PRELID2: variants seen among roughly 807,000 people sequenced by gnomAD.
PRELID2 encodes the protein PRELI domain-containing protein 2.
A neutral mutation model predicts 28.4 loss-of-function variants in PRELID2; 25 were observed. The ratio of observed to expected loss-of-function variants is 0.88; its 90% CI spans 0.64 to 1.23. The LOEUF is 1.23. Among genes scored for constraint, PRELID2 ranks in the 50% most tolerant of loss-of-function variants. PRELID2 has a pLI of 0.00. For missense variants in PRELID2, 201 were observed against 214.4 expected, an observed-to-expected ratio of 0.94 and a Z score of 0.39; for synonymous variants, 76 against 71.6, an observed-to-expected ratio of 1.06 and a Z score of -0.31.
chr5:145,686,496 G>A (rs139687795), intron 1 of PRELID2, among the ~76,000 whole-genome samples: 17 of 151,980 alleles, frequency 1.1e-4, no homozygotes, highest in Non-Finnish European at 8.8e-5. Flanking sequence ...ACCTAAAAAC[G>A]TCTTCTAATC....
chr5:145,598,751 G>A (rs1166691834), intron 1 of PRELID2, among the ~76,000 whole-genome samples: 1 of 152,074 alleles, frequency 6.6e-6, no homozygotes, highest in East Asian at 1.9e-4. Flanking sequence ...ACATTCCAGT[G>A]AGAGAAACAG....
chr5:145,405,900 T>C, the PRELID2 span, among the ~76,000 whole-genome samples: 2 of 151,352 alleles, frequency 1.3e-5, no homozygotes, highest in African/African-American at 4.9e-5. Flanking sequence ...AGAGACGGGG[T>C]TTCACCGTTT....
At chr5:145,704,509 C>T (rs1042667668) in intron 1 of PRELID2, among the ~76,000 whole-genome samples, 55 of 152,168 alleles carry the variant, frequency 3.6e-4, no homozygotes, top group African/African-American at 1.3e-3. Context: ...CAAAGTACTA[C>T]TTGAGAATCA....
intron 1 of PRELID2, among the ~76,000 whole-genome samples, chr5:145,568,246 C>A (rs1304977939): frequency 1.3e-5 from 2 of 152,154 alleles, no homozygotes; most frequent in Non-Finnish European, 2.9e-5. Flanking sequence ...TAATAGAGAC[C>A]CCTCCACATG....
At chr5:145,458,859 A>G in the PRELID2 span, among the ~76,000 whole-genome samples, 1 of 152,196 alleles carries the variant, frequency 6.6e-6, no homozygotes, top group Non-Finnish European at 1.5e-5. Flanking sequence ...AAAAAATCTG[A>G]TTTGTTTTTA....
At chr5:145,231,258 TA>T in the PRELID2 span, among the ~76,000 whole-genome samples, 1 of 152,174 alleles carries the variant, frequency 6.6e-6, no homozygotes, top group African/African-American at 2.4e-5. Flanking sequence ...ATTATATTAT[TA>T]TTTTTTAATT....
chr5:145,829,299 T>C (rs1581299036), intron 1 of PRELID2, among the ~76,000 whole-genome samples: 1 of 152,178 alleles, frequency 6.6e-6, no homozygotes, highest in East Asian at 1.9e-4. Context: ...TAGAAAATAT[T>C]CCTAATTCAA....
the PRELID2 span, among the ~76,000 whole-genome samples, chr5:145,322,312 T>A: frequency 3.3e-5 from 5 of 152,214 alleles, no homozygotes; most frequent in African/African-American, 1.2e-4. Context: ...TATAAGGACC[T>A]CTTAGGACCA....
At chr5:145,489,692 G>A (rs1752250438) in intron 1 of PRELID2, among the ~76,000 whole-genome samples, 1 of 152,076 alleles carries the variant, frequency 6.6e-6, no homozygotes, top group South Asian at 2.1e-4. Context: ...TTCAGTGTTG[G>A]TATGCCATGA....
At chr5:145,572,534 T>C (rs1315258930) in intron 1 of PRELID2, among the ~76,000 whole-genome samples, 1 of 152,218 alleles carries the variant, frequency 6.6e-6, no homozygotes, top group Non-Finnish European at 1.5e-5. Context: ...ACTATCATTA[T>C]CATAATTATT....
At chr5:145,688,857 G>A (rs952438489) in intron 1 of PRELID2, among the ~76,000 whole-genome samples, 6 of 152,148 alleles carry the variant, frequency 3.9e-5, no homozygotes, top group African/African-American at 1.4e-4. Flanking sequence ...ATGATCTTCA[G>A]GCTTCATTGG....
At chr5:145,706,260 T>C (rs1028476909) in intron 1 of PRELID2, among the ~76,000 whole-genome samples, 22 of 152,148 alleles carry the variant, frequency 1.4e-4, no homozygotes, top group African/African-American at 5.1e-4. Flanking sequence ...AAGCCACAAC[T>C]ATGCCACTGG....
intron 1 of PRELID2, among the ~76,000 whole-genome samples, chr5:145,694,153 A>G (rs777913547): frequency 2.4e-4 from 36 of 152,244 alleles, no homozygotes; most frequent in Non-Finnish European, 5.0e-4. Context: ...ACACAAATAA[A>G]GTACTTAGTA....
At chr5:145,637,435 T>A (rs1053182552) in intron 1 of PRELID2, among the ~76,000 whole-genome samples, 1 of 152,120 alleles carries the variant, frequency 6.6e-6, no homozygotes, top group Admixed American at 6.5e-5. Flanking sequence ...CACTGTGCTA[T>A]GTCCATACAT....
At chr5:145,461,757 T>A in the PRELID2 span, among the ~76,000 whole-genome samples, 1 of 152,234 alleles carries the variant, frequency 6.6e-6, no homozygotes, top group East Asian at 1.9e-4. Context: ...TAGATAAGAT[T>A]AGTATCAGGT....
At position 145,577,918 on chromosome 5, in the gene PRELID2, C is replaced by T. The variant is rs1436725160; in HGVS notation, n.71-104603G>A. ...TAGCTGAATAAAAAATAAACAAATG[C>T]ATAAATGAATAAGTTAACTATAGGA... On this transcript the variant is annotated intron_variant and non_coding_transcript_variant, in intron 1 of 2. Coordinates refer to the PRELID2 transcript ENST00000510259. Among the ~76,000 whole-genome samples, 9 of 152,086 alleles carry T rather than the reference C, an allele frequency of 5.9e-5. No homozygotes were observed. In the East Asian group the frequency reaches 1.7e-3, roughly 29 times the overall value.
the PRELID2 span, among the ~76,000 whole-genome samples, chr5:145,252,889 C>T: frequency 5.3e-5 from 8 of 152,024 alleles, no homozygotes; most frequent in Non-Finnish European, 8.8e-5. Flanking sequence ...TAAATACATG[C>T]ATCAAAAAGA....
At chr5:145,763,126 G>T (rs989607655) in intron 6 of PRELID2, among the ~76,000 whole-genome samples, 6 of 152,210 alleles carry the variant, frequency 3.9e-5, no homozygotes, top group African/African-American at 1.2e-4. Context: ...AGACCAATAG[G>T]TGTATACCTT....
chr5:145,754,001 T>G (rs1000275976), downstream of PRELID2, among the ~76,000 whole-genome samples: 2 of 151,910 alleles, frequency 1.3e-5, no homozygotes, highest in Non-Finnish European at 2.9e-5. Context: ...GTCAGCATGC[T>G]ACCCTCCTGC....
Sources: allele counts gnomAD v4.1 joint callset (sites outside exome capture counted in the v4.1 genomes callset), GRCh38; gene constraint gnomAD v4.1.1; transcripts MANE v1.5; gene names NCBI Gene and HGNC (gene_info 2026-07-23, HGNC 2026-07-21).